BMPR1B: variants seen among roughly 807,000 people sequenced by gnomAD.
BMPR1B encodes the protein bone morphogenetic protein receptor type-1B.
A neutral mutation model predicts 59.1 loss-of-function variants in BMPR1B; 12 were observed. That is an observed-to-expected ratio of 0.20 (90% confidence interval 0.13 to 0.33). The LOEUF (loss-of-function observed/expected upper bound fraction) is 0.33, where lower values mean the gene tolerates loss of function less well. Among genes scored for constraint, BMPR1B ranks in the 10% least tolerant of loss-of-function variants. The pLI, the probability that BMPR1B is intolerant of heterozygous loss-of-function variation, is 1.00. For missense variants in BMPR1B, 550 were observed against 610.9 expected (o/e 0.90, Z 1.05); for synonymous variants, 237 against 207.3 (o/e 1.14, Z -1.23).
At chr4:95,096,345 A>T (rs1245878386) in intron 3 of BMPR1B, among the ~76,000 whole-genome samples, 1 of 151,698 alleles carries the variant, frequency 6.6e-6, no homozygotes, top group Non-Finnish European at 1.5e-5. Flanking sequence ...TTCAAGAAAA[A>T]TAACTTCCTT....
chr4:94,933,647 T>G (rs2149036407), intron 2 of BMPR1B, among the ~76,000 whole-genome samples: 1 of 152,274 alleles, frequency 6.6e-6, no homozygotes, highest in Non-Finnish European at 1.5e-5. Flanking sequence ...ATCAGGGTTC[T>G]AACATAGTAT....
At chr4:94,844,110 G>A (rs1725216803) in intron 1 of BMPR1B, among the ~76,000 whole-genome samples, 1 of 152,154 alleles carries the variant, frequency 6.6e-6, no homozygotes, top group Non-Finnish European at 1.5e-5. Context: ...GACCATAGCT[G>A]ATAATAATGT....
intron 8 of BMPR1B, among the ~76,000 whole-genome samples, chr4:95,127,093 T>C (rs956571734): frequency 8.5e-6 from 1 of 117,906 alleles, no homozygotes; most frequent in African/African-American, 2.7e-5. Context: ...CTTCTCACAG[T>C]CCTGGAATAG....
At chr4:95,089,200 C>T (rs919929104) in intron 3 of BMPR1B, among the ~76,000 whole-genome samples, 1 of 152,124 alleles carries the variant, frequency 6.6e-6, no homozygotes, top group African/African-American at 2.4e-5. Flanking sequence ...AAACATAACA[C>T]ACACAAATAC....
At chr4:95,148,378 C>T (rs1167367844) in intron 10 of BMPR1B, among the ~76,000 whole-genome samples, 3 of 151,840 alleles carry the variant, frequency 2.0e-5, no homozygotes, top group African/African-American at 7.3e-5. Context: ...TTAAATGCTG[C>T]AGCTTCATTC....
chr4:94,840,555 C>T lies in BMPR1B; in HGVS notation c.-182-35276C>T, dbSNP rs1243011816. ...TACCCTTTCTTCCAGTTGATCGCAT[C>T]GGCTCCTGAGGCTTCTGCATTCTTC... On this transcript the variant is annotated intron_variant, in intron 1 of 12. Transcript: ENST00000515059. 3.1e-4 allele frequency among the ~76,000 whole-genome samples: 45 copies of T among 145,956 alleles called. 3 individuals carry two copies. Among genetic ancestry groups the T allele is most frequent in the African/African-American group, 8.9e-4 (35 of 39,390 alleles).
At chr4:94,890,829 A>G (rs569104925) in intron 2 of BMPR1B, among the ~76,000 whole-genome samples, 8 of 151,904 alleles carry the variant, frequency 5.3e-5, no homozygotes, top group Non-Finnish European at 1.0e-4. Context: ...ATGTAAACCT[A>G]GTTACCTCCC....
intron 3 of BMPR1B, chr4:95,091,418 G>A: frequency 1.0e-6 from 1 of 963,084 alleles, no homozygotes; most frequent in Non-Finnish European, 1.2e-6. Context: ...TAATCAAAGG[G>A]ACTACTGAGA....
rs1735520897 is a variant in BMPR1B at position 95,157,746 on chromosome 4, A to G, written c.*3073A>G. The stretch of plus-strand genomic sequence containing the variant: ...ACTAAATGAAACATAATATTTATTT[A>G]TAAAAGTGTGTAGATTGTTAAATCA... On this transcript the variant is annotated 3_prime_UTR_variant, in exon 13 of 13. Transcript: ENST00000515059. 1 of 152,120 alleles carries G rather than the reference A, an allele frequency of 6.6e-6. No individual in the cohort carries two copies. The highest frequency in any genetic ancestry group is 6.6e-5 in the Admixed American group (1 of 15,266). The allele number at this position is 152,120 out of a possible 1,614,324, so 9.4% of individuals were successfully genotyped here.
At position 94,830,253 on chromosome 4, in the gene BMPR1B, T is replaced by A. The variant is rs565137898; in HGVS notation, c.-182-45578T>A. Among the ~76,000 whole-genome samples, 45 of 152,262 alleles carry A rather than the reference T, an allele frequency of 3.0e-4. No individual in the cohort carries two copies. In the South Asian group the frequency reaches 9.1e-3, roughly 31 times the overall value. On this transcript the variant is annotated intron_variant, in intron 1 of 12. Transcript: ENST00000515059. The stretch of plus-strand genomic sequence containing the variant: ...ACATTAGAAATGTTAATATGGGATA[T>A]TTTTGACTTAAGACATTCAGAAAAG...
intron 3 of BMPR1B, among the ~76,000 whole-genome samples, chr4:95,022,108 G>T (rs750412998): frequency 2.0e-5 from 3 of 152,150 alleles, no homozygotes; most frequent in Non-Finnish European, 4.4e-5. Context: ...GGCTTTGTCC[G>T]CAGAAACAAG....
intron 2 of BMPR1B, among the ~76,000 whole-genome samples, chr4:94,879,687 C>T (rs982487065): frequency 9.2e-5 from 14 of 152,034 alleles, no homozygotes; most frequent in African/African-American, 3.1e-4. Context: ...CCTGTTGTTT[C>T]GTCCAGGAGA....
At chr4:94,851,949 C>G (rs1021413808) in intron 1 of BMPR1B, among the ~76,000 whole-genome samples, 1 of 152,098 alleles carries the variant, frequency 6.6e-6, no homozygotes, top group Non-Finnish European at 1.5e-5. Flanking sequence ...AATGTAGGCT[C>G]ATAGTGTGTT....
At chr4:94,892,100 G>T (rs937173742) in intron 2 of BMPR1B, among the ~76,000 whole-genome samples, 1 of 152,030 alleles carries the variant, frequency 6.6e-6, no homozygotes, top group African/African-American at 2.4e-5. Flanking sequence ...GTAATTGCTC[G>T]TAGTTTTTAA....
At chr4:94,998,633 A>ATTT (rs1722232717) in intron 3 of BMPR1B, among the ~76,000 whole-genome samples, 2 of 152,090 alleles carry the variant, frequency 1.3e-5, no homozygotes, top group Non-Finnish European at 2.9e-5. Flanking sequence ...TCGGCCTCCC[A>ATTT]AAGTGCTGGG....
intron 2 of BMPR1B, among the ~76,000 whole-genome samples, chr4:94,981,873 C>T (rs1721104230): frequency 6.6e-6 from 1 of 152,172 alleles, no homozygotes; most frequent in Admixed American, 6.5e-5. Flanking sequence ...TTGAATTATA[C>T]AGCTGTAGCT....
intron 3 of BMPR1B, among the ~76,000 whole-genome samples, chr4:95,056,825 C>A (rs1376518249): frequency 6.6e-6 from 1 of 152,174 alleles, no homozygotes; most frequent in Admixed American, 6.5e-5. Context: ...ATGATCCAAC[C>A]TTTTTCTCAC....
chr4:94,779,005 G>A (rs1272997625), intron 1 of BMPR1B, among the ~76,000 whole-genome samples: 3 of 151,978 alleles, frequency 2.0e-5, no homozygotes, highest in Non-Finnish European at 4.4e-5. Flanking sequence ...TAGCTTTAGT[G>A]ACAGAAGTTC....
chr4:95,042,294 T>G lies in BMPR1B; in HGVS notation c.-18+46160T>G, dbSNP rs139433763. ...TGAATAAGTGGGAGAAAATGATTGC[T>G]TATTGATAATGTACAAATTGAGAGT... On this transcript the variant is annotated intron_variant, in intron 3 of 12. Coordinates refer to ENST00000515059, the MANE Select transcript of BMPR1B (RefSeq NM_001203.3). 8.8e-3 allele frequency among the ~76,000 whole-genome samples: 1,339 copies of G among 152,346 alleles called. 13 individuals are homozygous for G. Among genetic ancestry groups the G allele is most frequent in the Non-Finnish European group, 9.4e-3 (637 of 68,030 alleles).
Sources: allele counts gnomAD v4.1 joint callset (sites outside exome capture counted in the v4.1 genomes callset), GRCh38; gene constraint gnomAD v4.1.1; transcripts MANE v1.5; gene names NCBI Gene and HGNC (gene_info 2026-07-23, HGNC 2026-07-21).